The following ZBTB7C variants were observed in gnomAD, a reference collection of about 807,000 sequenced individuals.
ZBTB7C encodes the protein zinc finger and BTB domain-containing protein 7C.
A neutral mutation model predicts 25.7 loss-of-function variants in ZBTB7C; 8 were observed. The observed-to-expected ratio is 0.31, with a 90% CI of 0.18 to 0.56. The LOEUF is 0.56. Among genes scored for constraint, ZBTB7C ranks in the 20% least tolerant of loss-of-function variants. The pLI is 0.91. For missense variants in ZBTB7C, 824 were observed against 855.2 expected, an observed-to-expected ratio of 0.96 and a Z score of 0.46; for synonymous variants, 394 against 369.0, an observed-to-expected ratio of 1.07 and a Z score of -0.78.
intron 3 of ZBTB7C, among the ~76,000 whole-genome samples, chr18:48,042,338 T>C (rs1319381621): frequency 6.6e-6 from 1 of 152,238 alleles, no homozygotes; most frequent in Non-Finnish European, 1.5e-5. Context: ...ACAAGCTTCA[T>C]AGGGCTCTTC....
intron 1 of ZBTB7C, among the ~76,000 whole-genome samples, chr18:48,397,864 C>T (rs1488549873): frequency 6.6e-6 from 1 of 152,208 alleles, no homozygotes; most frequent in Non-Finnish European, 1.5e-5. Flanking sequence ...CCTGCAGAAC[C>T]TCACCCGGGA....
At chr18:48,275,350 G>A (rs2044613941) in intron 2 of ZBTB7C, among the ~76,000 whole-genome samples, 2 of 152,166 alleles carry the variant, frequency 1.3e-5, no homozygotes, top group South Asian at 4.1e-4. Context: ...GCCTAGGATT[G>A]GGACATGCAT....
At chr18:48,135,524 G>A (rs2040122948) in intron 3 of ZBTB7C, among the ~76,000 whole-genome samples, 1 of 152,180 alleles carries the variant, frequency 6.6e-6, no homozygotes, top group Non-Finnish European at 1.5e-5. Context: ...CCTAATATGA[G>A]TCTTTTTTGG....
chr18:48,366,483 A>C (rs2047223599), intron 1 of ZBTB7C, among the ~76,000 whole-genome samples: 1 of 152,366 alleles, frequency 6.6e-6, no homozygotes. Flanking sequence ...AAAATAAAGT[A>C]AAGCCAAAAG....
chr18:48,099,163 C>T (rs2038744937), intron 3 of ZBTB7C, among the ~76,000 whole-genome samples: 1 of 152,190 alleles, frequency 6.6e-6, no homozygotes, highest in Non-Finnish European at 1.5e-5. Flanking sequence ...TTGTCCTCTG[C>T]AAAGAACTGT....
intron 3 of ZBTB7C, among the ~76,000 whole-genome samples, chr18:48,138,594 G>T (rs1392348060): frequency 6.6e-6 from 1 of 152,034 alleles, no homozygotes; most frequent in African/African-American, 2.4e-5. Flanking sequence ...GCCAGGATGT[G>T]GTGGGGAGAG....
At chr18:48,050,746 T>G (rs1310948831) in intron 3 of ZBTB7C, among the ~76,000 whole-genome samples, 1 of 152,112 alleles carries the variant, frequency 6.6e-6, no homozygotes, top group Non-Finnish European at 1.5e-5. Context: ...AGACAGATTT[T>G]CTCTGCCCCT....
chr18:48,111,424 G>C (rs2039235132), intron 3 of ZBTB7C, among the ~76,000 whole-genome samples: 1 of 152,232 alleles, frequency 6.6e-6, no homozygotes, highest in Non-Finnish European at 1.5e-5. Flanking sequence ...AAATTAAAAA[G>C]TCAGTGATGA....
chr18:48,087,815 A>C (rs1376776983), intron 3 of ZBTB7C: 1 of 108,636 alleles, frequency 9.2e-6, no homozygotes, highest in Non-Finnish European at 1.7e-5. Context: ...TAAATAACAA[A>C]TAAAGGATGG....
intron 4 of ZBTB7C, among the ~76,000 whole-genome samples, chr18:48,039,586 G>T (rs2036125377): frequency 6.6e-6 from 1 of 152,210 alleles, no homozygotes; most frequent in Non-Finnish European, 1.5e-5. Context: ...TTTACAGCTG[G>T]AAGGAGAAGA....
chr18:48,117,701 C>T (rs2039488745), intron 3 of ZBTB7C, among the ~76,000 whole-genome samples: 1 of 152,176 alleles, frequency 6.6e-6, no homozygotes, highest in South Asian at 2.1e-4. Flanking sequence ...ACACGTGTTC[C>T]ATCTCACAGA....
intron 3 of ZBTB7C, among the ~76,000 whole-genome samples, chr18:48,139,436 C>A (rs1413408527): frequency 6.6e-6 from 1 of 152,066 alleles, no homozygotes; most frequent in Non-Finnish European, 1.5e-5. Context: ...AGGTGCCCAG[C>A]CCAGCTTACC....
chr18:48,314,762 C>G (rs558599407), intron 2 of ZBTB7C, among the ~76,000 whole-genome samples: 21 of 152,270 alleles, frequency 1.4e-4, no homozygotes, highest in Admixed American at 1.4e-3. Context: ...GCCAGCCCAT[C>G]CCCTAGAGAC....
chr18:48,108,328 G>T (rs2039107773), intron 3 of ZBTB7C, among the ~76,000 whole-genome samples: 1 of 152,174 alleles, frequency 6.6e-6, no homozygotes, highest in South Asian at 2.1e-4. Context: ...TGTGGCGAGG[G>T]CGGGGAGGCG....
chr18:48,254,139 C>T (rs1420628116), intron 2 of ZBTB7C, among the ~76,000 whole-genome samples: 4 of 152,114 alleles, frequency 2.6e-5, no homozygotes, highest in Admixed American at 6.6e-5. Flanking sequence ...TCCTTTTTAA[C>T]GAAAAGCAGC....
At chr18:48,343,896 G>A (rs1260290011) in intron 1 of ZBTB7C, among the ~76,000 whole-genome samples, 2 of 152,202 alleles carry the variant, frequency 1.3e-5, no homozygotes, top group African/African-American at 2.4e-5. Flanking sequence ...TCCCCCGCCT[G>A]CTTTGGTCTT....
At chr18:48,200,299 A>G (rs1057332133) in intron 2 of ZBTB7C, among the ~76,000 whole-genome samples, 3 of 151,958 alleles carry the variant, frequency 2.0e-5, no homozygotes, top group Non-Finnish European at 4.4e-5. Context: ...AGAAAACCCA[A>G]CCGAGACATA....
chr18:48,083,724 CT>C, intron 3 of ZBTB7C: 1 of 649,830 alleles, frequency 1.5e-6, no homozygotes, highest in Non-Finnish European at 1.9e-6. Context: ...TTTCAGTGCC[CT>C]TAAAAAAATG....
At chr18:48,037,151 C>T (rs531036276) in intron 4 of ZBTB7C, among the ~76,000 whole-genome samples, 10 of 152,342 alleles carry the variant, frequency 6.6e-5, no homozygotes, top group African/African-American at 2.2e-4. Flanking sequence ...GACCCAAGAG[C>T]TTGTCTGATC....
Sources: gnomAD v4.1 joint callset for allele counts (sites outside exome capture counted in the v4.1 genomes callset) on GRCh38, gnomAD v4.1.1 for gene constraint, MANE v1.5 for transcripts, NCBI Gene and HGNC (gene_info 2026-07-23, HGNC 2026-07-21) for gene names.